WNT5B: variants seen among roughly 807,000 people sequenced by gnomAD.
WNT5B encodes the protein protein Wnt-5b.
A neutral mutation model predicts 36.5 loss-of-function variants in WNT5B; 18 were observed. The observed-to-expected ratio is 0.49, with a 90% CI of 0.34 to 0.73. The LOEUF (loss-of-function observed/expected upper bound fraction) is 0.73, where lower values mean the gene tolerates loss of function less well. Among genes scored for constraint, WNT5B ranks in the 30% least tolerant of loss-of-function variants. The pLI, the probability that WNT5B is intolerant of heterozygous loss-of-function variation, is 0.01. For missense variants in WNT5B, 424 were observed against 508.4 expected (o/e 0.83, Z 1.60); for synonymous variants, 213 against 212.3 (o/e 1.00, Z -0.03).
In WNT5B at chr12:1,645,784, C is replaced by T. The variant is rs375751130; in HGVS notation, c.622-10C>T. On this transcript the variant is annotated splice_polypyrimidine_tract_variant and intron_variant, in intron 4 of 4. Coordinates refer to ENST00000397196, the MANE Select transcript of WNT5B (RefSeq NM_032642.3). ...TCCTCCTTCTTACTGCCTTCTTTCTCTTCCCCTAGGCTGTGTATAAGATGG... is the reference window on the plus strand; with the variant it reads ...TCCTCCTTCTTACTGCCTTCTTTCTTTTCCCCTAGGCTGTGTATAAGATGG... The T allele has an allele frequency of 4.5e-6, 7 of 1,548,404 alleles. No individual in the cohort carries two copies. The African/African-American group carries it at 9.6e-5, about 21-fold the overall frequency.
chr12:1,637,766 T>C (rs1410946860), intron 3 of WNT5B, among the ~76,000 whole-genome samples: 2 of 151,234 alleles, frequency 1.3e-5, no homozygotes, highest in African/African-American at 4.9e-5. Context: ...AAAAAAAAGT[T>C]ATGTTTACAC....
chr12:1,639,550 CG>C, intron 3 of WNT5B, 133 bp from the exon 4 acceptor site: 1 of 935,992 alleles, frequency 1.1e-6, no homozygotes, highest in South Asian at 1.9e-5. Flanking sequence ...GTTAGAGCTA[CG>C]GGAAGCGAAG....
chr12:1,639,901 G>A lies in WNT5B; in HGVS notation c.546G>A (p.Glu182=). Residue 182 remains glutamate (E), a synonymous_variant, in exon 4 of 5, where the codon GAG becomes GAA. Coordinates refer to ENST00000397196, the MANE Select transcript of WNT5B (RefSeq NM_032642.3). ...AKEFVDARER[E]KNFAKGSEEQ... ...AGTTTGTGGATGCCCGGGAGCGAGA[G>A]AAGAACTTTGCCAAAGGATCAGAGG... is the stretch of plus-strand genomic sequence containing the variant. 6.2e-7 allele frequency: 1 copy of A among 1,614,090 alleles called. No homozygotes were observed. The highest frequency in any genetic ancestry group is 8.5e-7 in the Non-Finnish European group (1 of 1,179,976).
chr12:1,640,784 C>T (rs2094573577), intron 4 of WNT5B, among the ~76,000 whole-genome samples: 1 of 152,222 alleles, frequency 6.6e-6, no homozygotes, highest in Non-Finnish European at 1.5e-5. Context: ...TTTGCTGTCC[C>T]CCATCGTGGC....
At chr12:1,641,306 A>T (rs2094574755) in intron 4 of WNT5B, among the ~76,000 whole-genome samples, 1 of 151,412 alleles carries the variant, frequency 6.6e-6, no homozygotes, top group African/African-American at 2.4e-5. Flanking sequence ...GAATTGCTTG[A>T]ACCTGGGAGG....
chr12:1,631,530 T>C lies in WNT5B; in HGVS notation c.80+96T>C, dbSNP rs538394081. 1.1e-3 allele frequency: 1,720 copies of C among 1,581,136 alleles called. 2 individuals carry two copies. Among genetic ancestry groups the C allele is most frequent in the Non-Finnish European group, 1.1e-3 (1,311 of 1,160,272 alleles). On this transcript the variant is annotated intron_variant, in intron 2 of 4. Transcript: ENST00000397196. ...GGGCACCGTGTGTCACGGTAGTACCTTGATTCCTGGGAGTACTAAGGGCCT... is the reference window on the plus strand; with the variant it reads ...GGGCACCGTGTGTCACGGTAGTACCCTGATTCCTGGGAGTACTAAGGGCCT...
intron 1 of WNT5B, among the ~76,000 whole-genome samples, chr12:1,617,931 G>A (rs2094529067): frequency 6.6e-6 from 1 of 152,128 alleles, no homozygotes; most frequent in African/African-American, 2.4e-5. Context: ...TTGAGGCCGG[G>A]AGTTCAAGAC....
Position 1,621,707 on chromosome 12 carries a change from A to ATT in WNT5B, c.-58+4580_-58+4581dup, listed in dbSNP as rs34640616. 9.8e-3 allele frequency among the ~76,000 whole-genome samples: 1,381 copies of ATT among 141,004 alleles called. 23 individuals carry two copies. Among genetic ancestry groups the ATT allele is most frequent in the African/African-American group, 0.029 (1,118 of 37,942 alleles). The allele number at this position is 141,004 out of a possible 152,430, so 92.5% of individuals were successfully genotyped here. A position where few individuals can be genotyped will look rare whatever the true frequency, so the allele number is the denominator to read the frequency against. ...CAGACATGTGCCACCATATCCAGCT[A>ATT]TTTTTTTTTTTTTTTTTGGTAGAGA... On this transcript the variant is annotated intron_variant, in intron 1 of 4. Transcript: ENST00000310594.
intron 1 of WNT5B, among the ~76,000 whole-genome samples, chr12:1,620,542 T>C (rs1445868661): frequency 6.6e-6 from 1 of 151,154 alleles, no homozygotes; most frequent in Non-Finnish European, 1.5e-5. Context: ...TCTTTTGTTG[T>C]TGTTTTTTTT....
In WNT5B at chr12:1,640,010, C is replaced by T. The variant is rs1479541600; in HGVS notation, c.621+34C>T. ...GGCCTCCCCGGCCTCCCCAGCACTG[C>T]AGACCTAGGGGGCTGTTCCCGGGCT... On this transcript the variant is annotated intron_variant, in intron 4 of 4. Transcript: ENST00000397196. The T allele has an allele frequency of 5.0e-6, 8 of 1,585,400 alleles. No individual in the cohort carries two copies. The South Asian group carries it at 9.1e-5, about 18-fold the overall frequency.
chr12:1,623,184 G>GGTTTTTTTTTTTTT (rs1272170104), intron 1 of WNT5B, among the ~76,000 whole-genome samples: 5 of 53,490 alleles, frequency 9.3e-5, no homozygotes, highest in African/African-American at 3.7e-4. Context: ...AGGGTTTTTT[G>GGTTTTTTTTTTTTT]TTGTTTTTTT....
intron 3 of WNT5B, among the ~76,000 whole-genome samples, chr12:1,634,821 T>C (rs1280786338): frequency 6.6e-6 from 1 of 152,168 alleles, no homozygotes; most frequent in Non-Finnish European, 1.5e-5. Context: ...CCTCGGCCCG[T>C]TGCCCAGCTT....
chr12:1,639,833 G>C lies in WNT5B; in HGVS notation c.478G>C (p.Gly160Arg). 1.2e-6 allele frequency: 2 copies of C among 1,613,878 alleles called. No individual in the cohort carries two copies. The highest frequency in any genetic ancestry group is 1.7e-6 in the Non-Finnish European group (2 of 1,179,876). The change falls in exon 4 of 5, where the codon GGC becomes CGC. Residue 160 changes from glycine to arginine, a missense_variant. Transcript: ENST00000397196. ...CCTGCCCCGGGACTGGCTGTGGGGC[G>C]GCTGTGGGGACAACGTGGAGTACGG... Reference protein sequence around the residue: ...KDLPRDWLWGGCGDNVEYGYR... With the variant: ...KDLPRDWLWGRCGDNVEYGYR...
intron 4 of WNT5B, among the ~76,000 whole-genome samples, chr12:1,641,976 C>T (rs1406685377): frequency 6.6e-6 from 1 of 152,162 alleles, no homozygotes; most frequent in African/African-American, 2.4e-5. Context: ...CAGGTGGAGA[C>T]CAGAGTGGGT....
chr12:1,639,624 AAG>A, intron 3 of WNT5B, 58 bp from the exon 4 acceptor site: 1 of 1,428,472 alleles, frequency 7.0e-7, no homozygotes, highest in Non-Finnish European at 9.1e-7. Context: ...AGACGGGGGG[AAG>A]GACAGGTCCC....
At chr12:1,639,171 T>G (rs571953226) in intron 3 of WNT5B, among the ~76,000 whole-genome samples, 7 of 151,392 alleles carry the variant, frequency 4.6e-5, no homozygotes, top group Admixed American at 1.3e-4. Context: ...AGAGTCTCAC[T>G]CTGTCGCCCA....
Position 1,630,078 on chromosome 12 carries a change from G to A in WNT5B, c.-58+707G>A. ...TCCCAGCTCTCCTGGACCCTGCTCG[G>A]GCCACTGTCCTCTCCTGGCGGCCCC... On this transcript the variant is annotated intron_variant, in intron 1 of 4. Transcript: ENST00000397196. The surrounding 1 kb of genome is among the most constrained non-coding windows in gnomAD (Gnocchi z 5.3). 1 of 968,182 alleles carries A rather than the reference G, an allele frequency of 1.0e-6. No homozygotes were observed. The highest frequency in any genetic ancestry group is 1.2e-6 in the Non-Finnish European group (1 of 814,236). 60.0% of individuals were successfully genotyped at this position (968,182 alleles called of 1,614,324 possible). A position where few individuals can be genotyped will look rare whatever the true frequency, so the allele number is the denominator to read the frequency against.
rs190550362 is a variant in WNT5B at position 1,645,596 on chromosome 12, C to G, written c.622-198C>G. On this transcript the variant is annotated intron_variant, in intron 4 of 4. Transcript: ENST00000397196. ...CAAGTTGCCTTGCCGCCCCAGGGTT[C>G]TTTTCTGTGGTGCCTCTTTTATGTT... Among the ~76,000 whole-genome samples the G allele has an allele frequency of 5.9e-5, 9 of 152,316 alleles. No individual in the cohort carries two copies. In the East Asian group the frequency reaches 1.3e-3, roughly 23 times the overall value.
Position 1,633,285 on chromosome 12 carries a change from G to A in WNT5B, c.328+380G>A, listed in dbSNP as rs1352403939. 6.6e-6 allele frequency among the ~76,000 whole-genome samples: 1 copy of A among 152,156 alleles called. No individual in the cohort carries two copies. Among genetic ancestry groups the A allele is most frequent in the African/African-American group, 2.4e-5 (1 of 41,426 alleles). On this transcript the variant is annotated intron_variant, in intron 3 of 4. Coordinates refer to ENST00000397196, the MANE Select transcript of WNT5B (RefSeq NM_032642.3). The surrounding 1 kb of genome is among the most constrained non-coding windows in gnomAD (Gnocchi z 4.8). ...TGTCTCAGTGCAAAAAAGAGCCTTG[G>A]GTAGAGAACCAGAAATTGCAGCCCT...
Sources: gnomAD v4.1 joint callset for allele counts (sites outside exome capture counted in the v4.1 genomes callset) on GRCh38, gnomAD v4.1.1 for gene constraint, Gnocchi (gnomAD v3.1) non-coding constraint, MANE v1.5 for transcripts, NCBI Gene and HGNC (gene_info 2026-07-23, HGNC 2026-07-21) for gene names.